CTNND2: variants seen among roughly 807,000 people sequenced by gnomAD.
The protein encoded by CTNND2 is catenin delta-2.
A neutral mutation model predicts 144.4 loss-of-function variants in CTNND2; 22 were observed. The ratio of observed to expected loss-of-function variants is 0.15; its 90% confidence interval spans 0.11 to 0.22. The LOEUF is 0.22. Among genes scored for constraint, CTNND2 ranks in the 10% least tolerant of loss-of-function variants. The pLI, the probability that CTNND2 is intolerant of heterozygous loss-of-function variation, is 1.00. For synonymous variants in CTNND2, 751 were observed against 695.6 expected, an observed-to-expected ratio of 1.08 and a Z score of -1.25; for missense variants, 1,353 against 1,618.8, an observed-to-expected ratio of 0.84 and a Z score of 2.82.
At chr5:11,158,954 C>G (rs1489577999) in intron 12 of CTNND2, among the ~76,000 whole-genome samples, 3 of 152,078 alleles carry the variant, frequency 2.0e-5, no homozygotes, top group Non-Finnish European at 4.4e-5. Flanking sequence ...AAAAATTAAA[C>G]AAGACATAAA....
chr5:11,397,978 A>C (rs999365089), intron 5 of CTNND2, among the ~76,000 whole-genome samples: 1 of 152,158 alleles, frequency 6.6e-6, no homozygotes, highest in African/African-American at 2.4e-5. Context: ...TTTTCTTTTT[A>C]AGCAAATTTT....
intron 1 of CTNND2, among the ~76,000 whole-genome samples, chr5:11,744,964 G>C (rs1244545324): frequency 6.6e-6 from 1 of 151,920 alleles, no homozygotes; most frequent in African/African-American, 2.4e-5. Context: ...TCGAACTCCT[G>C]AGCTCAGGCG....
chr5:11,633,179 C>G (rs1256389779), intron 2 of CTNND2, among the ~76,000 whole-genome samples: 2 of 152,128 alleles, frequency 1.3e-5, no homozygotes, highest in Non-Finnish European at 2.9e-5. Context: ...ACACAGAGAT[C>G]CATATCCAGA....
chr5:11,641,336 G>A (rs191904747), intron 2 of CTNND2, among the ~76,000 whole-genome samples: 59 of 151,834 alleles, frequency 3.9e-4, no homozygotes, highest in African/African-American at 1.0e-3. Context: ...CCCAGGAACC[G>A]GATAAACCAC....
intron 10 of CTNND2, 49 bp from the exon 11 acceptor site, chr5:11,199,710 T>C (rs779113464): frequency 5.9e-6 from 8 of 1,364,040 alleles, no homozygotes; most frequent in Non-Finnish European, 8.3e-6. Context: ...AAGGTTTCCC[T>C]ACCTACACCA....
At chr5:11,391,363 G>A (rs957005683) in intron 6 of CTNND2, among the ~76,000 whole-genome samples, 36 of 152,144 alleles carry the variant, frequency 2.4e-4, no homozygotes, top group African/African-American at 7.7e-4. Flanking sequence ...CAGACAAGGC[G>A]ATTTGATCTC....
chr5:11,307,809 A>G (rs1212660895), intron 9 of CTNND2, among the ~76,000 whole-genome samples: 1 of 152,184 alleles, frequency 6.6e-6, no homozygotes, highest in Non-Finnish European at 1.5e-5. Flanking sequence ...ATTGATTGTT[A>G]TGGGCTGAAT....
chr5:11,769,296 C>T (rs1328399905), intron 1 of CTNND2, among the ~76,000 whole-genome samples: 3 of 152,072 alleles, frequency 2.0e-5, no homozygotes, highest in African/African-American at 4.8e-5. Context: ...GAAGGTGATG[C>T]GCACCAGGTC....
intron 16 of CTNND2, among the ~76,000 whole-genome samples, chr5:11,029,762 A>G (rs1743244440): frequency 6.6e-6 from 1 of 152,246 alleles, no homozygotes; most frequent in African/African-American, 2.4e-5. Context: ...TCTTAAATGT[A>G]CTGAATTATG....
intron 1 of CTNND2, among the ~76,000 whole-genome samples, chr5:11,766,722 C>T (rs149039722): frequency 3.5e-4 from 54 of 152,192 alleles, no homozygotes; most frequent in Middle Eastern, 6.8e-3. Context: ...GGAGTCTCAT[C>T]GAAGTCATGG....
chr5:11,231,711 G>C (rs932102163), intron 10 of CTNND2, among the ~76,000 whole-genome samples: 3 of 152,204 alleles, frequency 2.0e-5, no homozygotes, highest in African/African-American at 4.8e-5. Context: ...CTCATTTTCC[G>C]GGGATAAATT....
chr5:11,612,935 A>G (rs1211103367), intron 2 of CTNND2, among the ~76,000 whole-genome samples: 1 of 152,190 alleles, frequency 6.6e-6, no homozygotes, highest in Non-Finnish European at 1.5e-5. Context: ...ATATAAAAAC[A>G]CAGACTTTCA....
chr5:10,980,494 C>T (rs1222009110), intron 21 of CTNND2, among the ~76,000 whole-genome samples: 2 of 152,152 alleles, frequency 1.3e-5, no homozygotes, highest in East Asian at 3.8e-4. Flanking sequence ...GTGGCGATTC[C>T]TCAAGGATTT....
Position 11,117,473 on chromosome 5 carries a change from C to G in CTNND2, c.2254G>C (p.Gly752Arg), listed in dbSNP as rs1350148351. The G allele has an allele frequency of 6.2e-7, 1 of 1,614,064 alleles. No homozygotes were observed. The highest frequency in any genetic ancestry group is 8.5e-7 in the Non-Finnish European group (1 of 1,179,930). Residue 752 changes from glycine (G) to arginine (R), a missense_variant, in exon 13 of 22, where the codon GGG becomes CGG. Around this residue, in one of 4 missense-constraint regions of CTNND2, gnomAD observed 459 missense variants for 674.3 expected, o/e 0.68. Coordinates refer to ENST00000304623, the MANE Select transcript of CTNND2 (RefSeq NM_001332.4). Reference protein sequence around the residue: ...ALLYVIQSALGSSEIDSKTVE... With the variant: ...ALLYVIQSALRSSEIDSKTVE... ...ACCTTGCTATCGATCTCACTGCTCC[C>G]CAGCGCAGACTGGATCACGTACAGC...
intron 1 of CTNND2, among the ~76,000 whole-genome samples, chr5:11,815,940 C>A (rs182608136): frequency 7.6e-4 from 116 of 152,302 alleles, no homozygotes; most frequent in Non-Finnish European, 1.3e-3. Flanking sequence ...CTCCAAGATA[C>A]CCACTGAGAT....
In CTNND2 at chr5:11,178,879, A is replaced by G. The variant is rs139644047; in HGVS notation, c.1976-19120T>C. 1.7e-3 allele frequency among the ~76,000 whole-genome samples: 257 copies of G among 152,330 alleles called. 1 individual carries two copies. The highest frequency in any genetic ancestry group is 1.8e-3 in the African/African-American group (73 of 41,566). ...ATTGAAATTTAACTCTTAGAAAGAC[A>G]TATGTCCTACTGATCTTTATGATAC... On this transcript the variant is annotated intron_variant, in intron 11 of 21. Coordinates refer to ENST00000304623, the MANE Select transcript of CTNND2 (RefSeq NM_001332.4).
intron 21 of CTNND2, among the ~76,000 whole-genome samples, chr5:10,978,617 G>C (rs928596763): frequency 6.6e-6 from 1 of 152,204 alleles, no homozygotes; most frequent in African/African-American, 2.4e-5. Context: ...GTGGTCCTGA[G>C]CTATGAAGAT....
At chr5:11,331,403 G>C (rs1172483737) in intron 9 of CTNND2, among the ~76,000 whole-genome samples, 1 of 152,192 alleles carries the variant, frequency 6.6e-6, no homozygotes, top group Admixed American at 6.5e-5. Flanking sequence ...AAAAGGCACA[G>C]TAGGAACTCC....
At chr5:11,590,489 C>T (rs368454183) in intron 2 of CTNND2, among the ~76,000 whole-genome samples, 1 of 152,174 alleles carries the variant, frequency 6.6e-6, no homozygotes, top group East Asian at 1.9e-4. Context: ...CTGGCCGCAC[C>T]ATGGTCAAGC....
Sources: gnomAD v4.1 joint callset for allele counts (sites outside exome capture counted in the v4.1 genomes callset) on GRCh38, gnomAD v4.1.1 for gene constraint, gnomAD v4.1.1 regional missense constraint, MANE v1.5 for transcripts, NCBI Gene and HGNC (gene_info 2026-07-23, HGNC 2026-07-21) for gene names.